The following AGMO variants were observed in gnomAD, a reference collection of about 807,000 sequenced individuals.
AGMO encodes glyceryl-ether monooxygenase.
AGMO carries 75 observed loss-of-function variants against 60.2 expected under a neutral mutation model. The observed-to-expected ratio is 1.25, with a 90% CI of 1.03 to 1.51. The LOEUF (loss-of-function observed/expected upper bound fraction) is 1.51, where lower values mean the gene tolerates loss of function less well. Ranked by LOEUF, AGMO falls within the 40% of genes most tolerant of loss-of-function variation. AGMO has a pLI of 0.00. For synonymous variants in AGMO, 261 were observed against 177.1 expected (o/e 1.47, Z -3.76); for missense variants, 763 against 525.5 (o/e 1.45, Z -4.42).
intron 12 of AGMO, among the ~76,000 whole-genome samples, chr7:15,327,653 G>A (rs1781380882): frequency 6.6e-6 from 1 of 151,740 alleles, no homozygotes; most frequent in African/African-American, 2.4e-5. Context: ...ATATAGGAAG[G>A]TTATTTACGT....
At chr7:15,392,623 A>T (rs763351827) in intron 6 of AGMO, among the ~76,000 whole-genome samples, 10 of 151,836 alleles carry the variant, frequency 6.6e-5, no homozygotes, top group Admixed American at 2.0e-4. Flanking sequence ...ACATGGTGAA[A>T]CTCCATCTCT....
At chr7:15,431,463 C>T (rs77853447) in intron 3 of AGMO, among the ~76,000 whole-genome samples, 13,190 of 151,656 alleles carry the variant, frequency 0.087, 736 homozygotes, top group South Asian at 0.15. Context: ...ATACATTCAA[C>T]GGATAGTGAT....
intron 3 of AGMO, among the ~76,000 whole-genome samples, chr7:15,476,015 G>A (rs763609541): frequency 3.4e-4 from 51 of 152,094 alleles, no homozygotes; most frequent in Non-Finnish European, 4.4e-5. Context: ...TGGTAAGTGA[G>A]ATAGATGCTG....
At chr7:15,267,779 A>C (rs1369379837) in intron 12 of AGMO, among the ~76,000 whole-genome samples, 1 of 151,992 alleles carries the variant, frequency 6.6e-6, no homozygotes, top group Non-Finnish European at 1.5e-5. Flanking sequence ...ACTTGTAACA[A>C]AATGGAAAGT....
At chr7:15,187,786 G>C in the AGMO span, among the ~76,000 whole-genome samples, 3 of 152,252 alleles carry the variant, frequency 2.0e-5, no homozygotes, top group African/African-American at 7.2e-5. Flanking sequence ...GAAGAGTCAA[G>C]AAAGGGCTTT....
intron 12 of AGMO, among the ~76,000 whole-genome samples, chr7:15,311,109 G>A (rs1038618420): frequency 6.6e-6 from 1 of 151,922 alleles, no homozygotes; most frequent in South Asian, 2.1e-4. Context: ...ACATATTTGG[G>A]GGACCGTTAT....
intron 12 of AGMO, among the ~76,000 whole-genome samples, chr7:15,269,009 A>G (rs1783517284): frequency 6.6e-6 from 1 of 152,100 alleles, no homozygotes; most frequent in African/African-American, 2.4e-5. Context: ...GGTTTAGCTT[A>G]GGATTGAGCA....
chr7:15,491,534 G>C (rs1470625245), intron 3 of AGMO, among the ~76,000 whole-genome samples: 5 of 152,062 alleles, frequency 3.3e-5, no homozygotes, highest in African/African-American at 1.2e-4. Flanking sequence ...AAGTTCTAAG[G>C]ACTTTAATAC....
At chr7:15,501,774 G>T (rs1245995471) in intron 3 of AGMO, among the ~76,000 whole-genome samples, 1 of 151,790 alleles carries the variant, frequency 6.6e-6, no homozygotes. Context: ...GAGAAAAACA[G>T]AAAATCTCTA....
chr7:15,331,573 C>T (rs572846229), intron 12 of AGMO, among the ~76,000 whole-genome samples: 1 of 152,250 alleles, frequency 6.6e-6, no homozygotes, highest in South Asian at 2.1e-4. Flanking sequence ...ACTATGTGTT[C>T]ACTAAAATAT....
chr7:15,329,271 C>T (rs1455679060), intron 12 of AGMO, among the ~76,000 whole-genome samples: 4 of 152,200 alleles, frequency 2.6e-5, no homozygotes, highest in Non-Finnish European at 5.9e-5. Flanking sequence ...CAATTCTTGA[C>T]ACATAGTTGC....
the AGMO span, among the ~76,000 whole-genome samples, chr7:15,193,600 T>G: frequency 2.0e-5 from 3 of 152,144 alleles, no homozygotes; most frequent in African/African-American, 7.2e-5. Flanking sequence ...AGGGATCAAT[T>G]TCAATATCTC....
chr7:15,271,594 C>T (rs541268777), intron 12 of AGMO, among the ~76,000 whole-genome samples: 1 of 152,220 alleles, frequency 6.6e-6, no homozygotes, highest in Non-Finnish European at 1.5e-5. Flanking sequence ...TCTAGGTATA[C>T]AACTATTTCA....
chr7:15,365,387 A>AAAAAAAAAAAAAAAAAAAAAAAAAAAC (rs1288735946), intron 12 of AGMO, 127 bp downstream of exon 12: 1 of 462,826 alleles, frequency 2.2e-6, no homozygotes, highest in Non-Finnish European at 3.7e-6. Context: ...AAGTAAAAAA[A>AAAAAAAAAAAAAAAAAAAAAAAAAAAC]AAAAAAAAGA....
chr7:15,548,890 G>A (rs974512910), intron 2 of AGMO, among the ~76,000 whole-genome samples: 3 of 151,624 alleles, frequency 2.0e-5, no homozygotes, highest in African/African-American at 7.3e-5. Context: ...TGAAATGAAG[G>A]AAAAAATGTT....
chr7:15,370,309 G>A (rs2128564411), intron 10 of AGMO, among the ~76,000 whole-genome samples: 1 of 152,234 alleles, frequency 6.6e-6, no homozygotes, highest in East Asian at 1.9e-4. Flanking sequence ...TCCGTTGGTG[G>A]GCACCTAGGT....
intron 3 of AGMO, among the ~76,000 whole-genome samples, chr7:15,512,493 T>C (rs146308813): frequency 2.7e-3 from 413 of 152,250 alleles, no homozygotes; most frequent in African/African-American, 8.9e-3. Context: ...GCTCAATCAA[T>C]CCACCCTCCT....
intron 5 of AGMO, among the ~76,000 whole-genome samples, chr7:15,394,595 A>G (rs74402329): frequency 0.014 from 2,195 of 152,316 alleles, 41 homozygotes; most frequent in African/African-American, 0.049. Flanking sequence ...ACCAAGGCAC[A>G]CTACCCTTAG....
chr7:15,309,349 G>A (rs1722325303), intron 12 of AGMO, among the ~76,000 whole-genome samples: 1 of 151,988 alleles, frequency 6.6e-6, no homozygotes, highest in African/African-American at 2.4e-5. Flanking sequence ...TCAGCAGAGG[G>A]GAAATACTTT....
Sources: gnomAD v4.1 joint callset for allele counts (sites outside exome capture counted in the v4.1 genomes callset) on GRCh38, gnomAD v4.1.1 for gene constraint, MANE v1.5 for transcripts, NCBI Gene and HGNC (gene_info 2026-07-23, HGNC 2026-07-21) for gene names.